Variants in C10orf67 observed in about 807,000 individuals in gnomAD.
The protein encoded by C10orf67 is chromosome 10 open reading frame 67.
Under a neutral mutation model 35.6 loss-of-function variants are expected in C10orf67, and 60 were observed. The ratio of observed to expected loss-of-function variants is 1.68; its 90% CI spans 1.37 to 2.09. C10orf67 has a LOEUF of 2.09. C10orf67 is among the 30% of genes most tolerant of loss of function. The pLI is 0.00. For missense variants in C10orf67, 474 were observed against 330.2 expected (o/e 1.44, Z -3.38); for synonymous variants, 167 against 115.8 (o/e 1.44, Z -2.84).
chr10:23,293,356 A>G (rs1179144933), intron 5 of C10orf67, among the ~76,000 whole-genome samples: 1 of 152,168 alleles, frequency 6.6e-6, no homozygotes, highest in Non-Finnish European at 1.5e-5. Context: ...ACTGCAAGTA[A>G]TTAACTATTC....
intron 2 of C10orf67, among the ~76,000 whole-genome samples, chr10:23,324,808 G>A (rs965562354): frequency 6.6e-6 from 1 of 152,170 alleles, no homozygotes; most frequent in Non-Finnish European, 1.5e-5. Flanking sequence ...TTTGTCTAAT[G>A]TGAAACATTC....
intron 15 of C10orf67, among the ~76,000 whole-genome samples, chr10:23,216,881 A>G (rs1841445263): frequency 6.6e-6 from 1 of 152,174 alleles, no homozygotes; most frequent in African/African-American, 2.4e-5. Context: ...TGGGGAGAGA[A>G]GGAGGAATGA....
chr10:23,340,368 A>T (rs1845838142), intron 1 of C10orf67, among the ~76,000 whole-genome samples: 1 of 148,972 alleles, frequency 6.7e-6, no homozygotes, highest in Admixed American at 6.7e-5. Flanking sequence ...AAAAAAAAAA[A>T]AATTAGCTGG....
intron 15 of C10orf67, among the ~76,000 whole-genome samples, chr10:23,212,703 T>C (rs1841338380): frequency 6.6e-6 from 1 of 150,410 alleles, no homozygotes. Flanking sequence ...CCCAAACTTA[T>C]AAGAACTGGC....
chr10:23,281,887 A>T, intron 8 of C10orf67, 126 bp downstream of exon 8: 1 of 414,764 alleles, frequency 2.4e-6, no homozygotes, highest in East Asian at 3.8e-5. Context: ...ACATGTACTT[A>T]GATTTTTGAT....
chr10:23,337,955 G>A lies in C10orf67; in HGVS notation c.207-4773C>T, dbSNP rs1588713984. Among the ~76,000 whole-genome samples the A allele has an allele frequency of 2.6e-5, 4 of 152,168 alleles. No homozygotes were observed. The East Asian group carries it at 7.7e-4, about 29-fold the overall frequency. ...GTATATTTGGTTGTCTACTTTTTCT[G>A]GATGAAGGATGGCCAGAATTATGTA... is the stretch of plus-strand genomic sequence containing the variant. On this transcript the variant is annotated intron_variant, in intron 1 of 15. Coordinates refer to ENST00000636213, the MANE Select transcript of C10orf67 (RefSeq NM_001371909.1).
chr10:23,277,116 T>C (rs7075197), intron 8 of C10orf67, among the ~76,000 whole-genome samples: 1 of 151,930 alleles, frequency 6.6e-6, no homozygotes, highest in African/African-American at 2.4e-5. Flanking sequence ...CTAAGAGATC[T>C]GTAACTGTTT....
intron 15 of C10orf67, among the ~76,000 whole-genome samples, chr10:23,206,233 A>G (rs764385130): frequency 6.6e-6 from 1 of 152,256 alleles, no homozygotes. Context: ...GCACAATGCT[A>G]TTCACATAGC....
At chr10:23,323,146 T>C (rs966198778) in intron 2 of C10orf67, among the ~76,000 whole-genome samples, 3 of 152,222 alleles carry the variant, frequency 2.0e-5, no homozygotes, top group South Asian at 2.1e-4. Flanking sequence ...TGTGTTAATA[T>C]TGGCCTTGTC....
intron 15 of C10orf67, among the ~76,000 whole-genome samples, chr10:23,219,367 C>CATTTCCAA (rs1841515584): frequency 6.6e-6 from 1 of 152,150 alleles, no homozygotes; most frequent in South Asian, 2.1e-4. Context: ...TCATTAAGAA[C>CATTTCCAA]ATTTCCAAAG....
At chr10:23,254,602 A>G (rs1224944050) in intron 10 of C10orf67, among the ~76,000 whole-genome samples, 1 of 152,220 alleles carries the variant, frequency 6.6e-6, no homozygotes, top group Non-Finnish European at 1.5e-5. Flanking sequence ...TAAGAAATAA[A>G]GGTTCATTTA....
intron 15 of C10orf67, among the ~76,000 whole-genome samples, chr10:23,219,191 C>T (rs1160134120): frequency 1.3e-5 from 2 of 152,264 alleles, no homozygotes; most frequent in South Asian, 4.1e-4. Context: ...CTGGATGATT[C>T]TTCCCTAGAA....
chr10:23,236,038 G>T (rs1251984266), intron 13 of C10orf67, among the ~76,000 whole-genome samples: 1 of 151,920 alleles, frequency 6.6e-6, no homozygotes, highest in Non-Finnish European at 1.5e-5. Context: ...CACAAGGTCA[G>T]GAGATCGAGA....
chr10:23,312,136 T>C (rs1272100721), intron 4 of C10orf67, among the ~76,000 whole-genome samples: 1 of 152,208 alleles, frequency 6.6e-6, no homozygotes, highest in Non-Finnish European at 1.5e-5. Context: ...TAATATGCAT[T>C]TACTCCCAGT....
Position 23,298,928 on chromosome 10 carries a change from A to T in C10orf67, c.702+4376T>A, listed in dbSNP as rs181424517. 1.2e-3 allele frequency among the ~76,000 whole-genome samples: 180 copies of T among 152,300 alleles called. 1 individual carries two copies. Among genetic ancestry groups the T allele is most frequent in the African/African-American group, 4.1e-3 (172 of 41,562 alleles). ...GGCTAATAGTCTTGGGTGCCTGGCC[A>T]AATAGATGGGGGCTATTCCTGAACC... On this transcript the variant is annotated intron_variant, in intron 5 of 15. Transcript: ENST00000636213.
intron 13 of C10orf67, among the ~76,000 whole-genome samples, chr10:23,234,009 A>T (rs1025013179): frequency 2.6e-5 from 4 of 152,226 alleles, no homozygotes; most frequent in African/African-American, 9.6e-5. Context: ...AAATAAATGA[A>T]GGTGAGATTT....
chr10:23,258,084 G>T (rs1842651541), intron 10 of C10orf67: 1 of 152,270 alleles, frequency 6.6e-6, no homozygotes, highest in Non-Finnish European at 1.5e-5. Context: ...GAACAGGCTG[G>T]ATGGTGCCAG....
chr10:23,274,144 C>G (rs1011501472), intron 8 of C10orf67, among the ~76,000 whole-genome samples: 1 of 152,096 alleles, frequency 6.6e-6, no homozygotes, highest in Non-Finnish European at 1.5e-5. Flanking sequence ...AGATCACACG[C>G]TTCAAAGGGC....
chr10:23,330,540 A>G (rs1418713359), intron 2 of C10orf67, among the ~76,000 whole-genome samples: 23 of 152,078 alleles, frequency 1.5e-4, no homozygotes, highest in Non-Finnish European at 1.5e-5. Context: ...GGAGATAGAG[A>G]CCATCCTGCC....
Sources: gnomAD v4.1 joint callset for allele counts (sites outside exome capture counted in the v4.1 genomes callset) on GRCh38, gnomAD v4.1.1 for gene constraint, MANE v1.5 for transcripts, NCBI Gene and HGNC (gene_info 2026-07-23, HGNC 2026-07-21) for gene names.